The following DAG1 variants were observed in gnomAD, a reference collection of about 807,000 sequenced individuals.
The protein encoded by DAG1 is dystroglycan 1, also known as dystroglycan 1 (dystrophin-associated glycoprotein 1).
DAG1 carries 8 observed loss-of-function variants against 46.1 expected under a neutral mutation model. The observed-to-expected ratio is 0.17, with a 90% confidence interval of 0.10 to 0.31. DAG1 has a LOEUF of 0.31. Ranked by LOEUF, DAG1 falls within the 10% of genes least tolerant of loss-of-function variation. DAG1 has a pLI of 1.00. For synonymous variants in DAG1, 495 were observed against 481.8 expected (o/e 1.03, Z -0.36); for missense variants, 1,003 against 1,189.9 (o/e 0.84, Z 2.31).
intron 1 of DAG1, among the ~76,000 whole-genome samples, chr3:49,474,347 C>T (rs925240698): frequency 6.6e-6 from 1 of 151,924 alleles, no homozygotes; most frequent in Non-Finnish European, 1.5e-5. Flanking sequence ...AGCCACCGCA[C>T]CCGGCTAATT....
At chr3:49,474,713 G>A (rs1346821024) in intron 1 of DAG1, among the ~76,000 whole-genome samples, 1 of 151,974 alleles carries the variant, frequency 6.6e-6, no homozygotes, top group Non-Finnish European at 1.5e-5. Context: ...GAACTTTTGA[G>A]CTCAAGCAAT....
intron 1 of DAG1, among the ~76,000 whole-genome samples, chr3:49,508,194 C>CTT (rs11344604): frequency 1.4e-5 from 1 of 73,534 alleles, no homozygotes; most frequent in Non-Finnish European, 2.6e-5. Context: ...GTTTATTTTG[C>CTT]TTTTTTTTTT....
intron 2 of DAG1, among the ~76,000 whole-genome samples, chr3:49,520,865 A>C (rs2051009333): frequency 1.3e-5 from 2 of 151,834 alleles, no homozygotes; most frequent in Admixed American, 1.3e-4. Flanking sequence ...AAGTCCTGCA[A>C]CTCCTGCATG....
At chr3:49,481,770 A>C (rs1264063100) in intron 1 of DAG1, among the ~76,000 whole-genome samples, 1 of 152,096 alleles carries the variant, frequency 6.6e-6, no homozygotes. Flanking sequence ...CTGTTTTGGC[A>C]TTTACTCTTC....
chr3:49,477,404 ACCTTGG>A (rs2049712217), intron 1 of DAG1, among the ~76,000 whole-genome samples: 2 of 152,000 alleles, frequency 1.3e-5, no homozygotes, highest in South Asian at 4.2e-4. Context: ...CCATCCTCCC[ACCTTGG>A]CCTCCCATGT....
Position 49,531,213 on chromosome 3 carries a change from A to G in DAG1, c.702A>G (p.Arg234=). Residue 234 remains arginine, a synonymous_variant, in exon 3 of 3, where the codon AGA becomes AGG. Transcript: ENST00000308775. The surrounding 1 kb of genome is among the most constrained non-coding windows in gnomAD (Gnocchi z 7.0). ...NMKLVPVVNN[R]LFDMSAFMAG... ...AATTAGTGCCGGTGGTGAATAACAG[A>G]CTATTTGACATGTCGGCCTTCATGG... 1 of 1,614,198 alleles carries G rather than the reference A, an allele frequency of 6.2e-7. No individual in the cohort carries two copies. The highest frequency in any genetic ancestry group is 8.5e-7 in the Non-Finnish European group (1 of 1,180,036).
At chr3:49,478,431 C>CAGA (rs2049752618) in intron 1 of DAG1, among the ~76,000 whole-genome samples, 1 of 64,856 alleles carries the variant, frequency 1.5e-5, no homozygotes, top group Admixed American at 2.0e-4. Flanking sequence ...CCTGTCTCTA[C>CAGA]AAAAAATAAA....
chr3:49,501,378 C>G (rs559622042), intron 1 of DAG1, among the ~76,000 whole-genome samples: 8 of 152,182 alleles, frequency 5.3e-5, no homozygotes, highest in African/African-American at 1.9e-4. Flanking sequence ...TCTCCCCATT[C>G]ATTCATTAGG....
chr3:49,526,205 AG>A (rs1463856781), intron 2 of DAG1, among the ~76,000 whole-genome samples: 1 of 152,232 alleles, frequency 6.6e-6, no homozygotes, highest in Non-Finnish European at 1.5e-5. Flanking sequence ...GAACAGCACT[AG>A]GGGGGTGGTA....
intron 1 of DAG1, among the ~76,000 whole-genome samples, chr3:49,493,741 C>G (rs2050245445): frequency 6.6e-6 from 1 of 152,264 alleles, no homozygotes; most frequent in African/African-American, 2.4e-5. Flanking sequence ...GGGGCCTAGC[C>G]CAGGAGCCTT....
chr3:49,499,724 A>C (rs1236486982), intron 1 of DAG1, among the ~76,000 whole-genome samples: 1 of 152,172 alleles, frequency 6.6e-6, no homozygotes, highest in Non-Finnish European at 1.5e-5. Flanking sequence ...CTTTGGTTGC[A>C]TCTTCCTGGG....
intron 1 of DAG1, among the ~76,000 whole-genome samples, chr3:49,483,662 A>T (rs1053998720): frequency 3.4e-5 from 5 of 145,708 alleles, no homozygotes; most frequent in African/African-American, 1.2e-4. Context: ...GTGAGGTATG[A>T]TTGAAGAAAT....
rs2131107 is a variant in DAG1 at position 49,510,575 on chromosome 3, C to G, written c.41C>G (p.Ser14Trp). The G allele has an allele frequency of 1, 1,606,672 of 1,613,856 alleles. 800,027 individuals are homozygous for G. The highest frequency in any genetic ancestry group is 1 in the East Asian group (44,869 of 44,872). ...SVGLSLLLPL[S>W]GRTFLLLLSV... ...GGCCTCTCGCTGCTGCTGCCCCTCT[C>G]GGGGAGGACCTTTCTCCTCCTGCTC... Residue 14 changes from serine to tryptophan, a missense_variant, in exon 2 of 3, where the codon TCG becomes TGG. Physicochemically the swap from Ser to Trp is radical, Grantham distance 177. Around this residue, in one of 3 missense-constraint regions of DAG1, gnomAD observed 196 missense variants for 239.1 expected, o/e 0.82. Transcript: ENST00000308775.
At chr3:49,498,767 G>A (rs763829668) in intron 1 of DAG1, among the ~76,000 whole-genome samples, 3 of 151,060 alleles carry the variant, frequency 2.0e-5, no homozygotes, top group Non-Finnish European at 4.4e-5. Context: ...AGGCTGGAGT[G>A]CAGTGTTGTA....
intron 1 of DAG1, among the ~76,000 whole-genome samples, chr3:49,498,399 C>A (rs1445022376): frequency 6.6e-6 from 1 of 151,918 alleles, no homozygotes; most frequent in Non-Finnish European, 1.5e-5. Context: ...AGACATTTGC[C>A]ATTTTTTTTT....
intron 2 of DAG1, among the ~76,000 whole-genome samples, chr3:49,529,471 A>G (rs1000122403): frequency 1.3e-5 from 2 of 152,140 alleles, no homozygotes; most frequent in Non-Finnish European, 2.9e-5. Flanking sequence ...TCACTCAAGT[A>G]CTTTGTTTTT....
At chr3:49,493,041 T>TTC (rs2107368276) in intron 1 of DAG1, 1 of 134,926 alleles carries the variant, frequency 7.4e-6, no homozygotes, top group South Asian at 2.6e-4. Flanking sequence ...TTATTCTTTT[T>TTC]TTTTTTTTTT....
chr3:49,522,489 T>G (rs1212405494), intron 2 of DAG1, among the ~76,000 whole-genome samples: 1 of 133,092 alleles, frequency 7.5e-6, no homozygotes, highest in Non-Finnish European at 1.6e-5. Context: ...TTTTTTTTTT[T>G]AAGACTGCAT....
chr3:49,531,015 G>A lies in DAG1; in HGVS notation c.504G>A (p.Arg168=), dbSNP rs1290696323. The A allele has an allele frequency of 4.3e-6, 7 of 1,614,184 alleles. No individual in the cohort carries two copies. The highest frequency in any genetic ancestry group is 5.9e-6 in the Non-Finnish European group (7 of 1,180,026). Residue 168 remains arginine, a synonymous_variant, in exon 3 of 3, where the codon AGG becomes AGA. Transcript: ENST00000308775. The surrounding 1 kb of genome is among the most constrained non-coding windows in gnomAD (Gnocchi z 7.0). The part of the protein sequence containing the change: ...PEDHSELQSV[R]TASPDPGEVV... ...ACCACAGTGAGCTGCAGTCGGTGAG[G>A]ACAGCCTCCCCAGACCCTGGTGAGG... is the stretch of plus-strand genomic sequence containing the variant.
Sources: allele counts gnomAD v4.1 joint callset (sites outside exome capture counted in the v4.1 genomes callset), GRCh38; gene constraint gnomAD v4.1.1; regional missense constraint gnomAD v4.1.1; non-coding constraint Gnocchi (gnomAD v3.1); transcripts MANE v1.5; gene names NCBI Gene and HGNC (gene_info 2026-07-23, HGNC 2026-07-21).